PDXDC1: variants seen among roughly 807,000 people sequenced by gnomAD.
PDXDC1 encodes pyridoxal-dependent decarboxylase domain-containing protein 1.
PDXDC1 carries 42 observed loss-of-function variants against 100.1 expected under a neutral mutation model. The ratio of observed to expected loss-of-function variants is 0.42; its 90% CI spans 0.33 to 0.54. The LOEUF is 0.54. Among genes scored for constraint, PDXDC1 ranks in the 20% least tolerant of loss-of-function variants. The probability of loss-of-function intolerance (pLI) is 0.10; values close to 1 mark genes in which losing one functional copy is unlikely to be tolerated. For synonymous variants in PDXDC1, 260 were observed against 371.7 expected (o/e 0.70, Z 3.46); for missense variants, 636 against 979.2 (o/e 0.65, Z 4.68).
intron 8 of PDXDC1, among the ~76,000 whole-genome samples, chr16:15,010,013 C>T (rs2041124325): frequency 6.6e-6 from 1 of 152,270 alleles, no homozygotes; most frequent in African/African-American, 2.4e-5. Flanking sequence ...TCTATCTTCT[C>T]CTTCATGTAC....
the PDXDC1 span, among the ~76,000 whole-genome samples, chr16:15,145,426 G>A: frequency 2.0e-5 from 3 of 152,242 alleles, no homozygotes; most frequent in Non-Finnish European, 2.9e-5. Context: ...TTGCCCCAGC[G>A]CTGGCCTCAT....
At position 15,123,100 on chromosome 16, in the gene PDXDC1, CCTT is replaced by C. The variant is rs1195180253; in HGVS notation, c.1400-15774_1400-15772del. 1.1e-3 allele frequency among the ~76,000 whole-genome samples: 166 copies of C among 150,484 alleles called. 1 individual carries two copies. Among genetic ancestry groups the C allele is most frequent in the African/African-American group, 4.0e-3 (164 of 40,978 alleles). On this transcript the variant is annotated intron_variant, in intron 16 of 16. Coordinates refer to the PDXDC1 transcript ENST00000535621. ...GACAAAGGTTCTGCTTTCCACCAAA[CCTT>C]CTTCGGTCTGGGCCCTCCCTTAGCA...
intron 16 of PDXDC1, among the ~76,000 whole-genome samples, chr16:15,093,502 T>C (rs1228124408): frequency 1.3e-5 from 2 of 152,202 alleles, no homozygotes; most frequent in Non-Finnish European, 2.9e-5. Context: ...GGGACATTAG[T>C]GTCTTTGGAT....
At position 15,047,967 on chromosome 16, in the gene PDXDC1, T is replaced by C. The variant is rs770420516; in HGVS notation, c.1399+17911T>C. 3 of 1,601,326 alleles carry C rather than the reference T, an allele frequency of 1.9e-6. No individual in the cohort carries two copies. The Admixed American group carries it at 5.0e-5, about 27-fold the overall frequency. ...TAAAATATCCAATAGCCTTTTGGGA[T>C]AACGCCCAATTCACTGCTTCCTAAC... On this transcript the variant is annotated intron_variant, in intron 16 of 16. Transcript: ENST00000535621.
chr16:15,067,853 G>A (rs2045043083), intron 16 of PDXDC1, among the ~76,000 whole-genome samples: 1 of 151,978 alleles, frequency 6.6e-6, no homozygotes, highest in Admixed American at 6.6e-5. Flanking sequence ...GACTTCCTGG[G>A]CTCAAGTGAT....
chr16:14,984,454 A>T (rs67289199), intron 1 of PDXDC1, among the ~76,000 whole-genome samples: 88,980 of 109,396 alleles, frequency 0.81, 34,961 homozygotes, highest in East Asian at 0.88. Context: ...AGAGAGAGAG[A>T]GTGTGTGTGT....
chr16:15,133,826 G>A (rs543234885), intron 16 of PDXDC1: 427 of 1,583,902 alleles, frequency 2.7e-4, no homozygotes, highest in East Asian at 7.8e-4. Flanking sequence ...TGGTGGTGAG[G>A]GCGTGCACAG....
At position 15,024,472 on chromosome 16, in the gene PDXDC1, T is replaced by C. The variant is rs375741833; in HGVS notation, c.1140+1718T>C. 2.7e-5 allele frequency among the ~76,000 whole-genome samples: 4 copies of C among 150,550 alleles called. No individual in the cohort carries two copies. In the East Asian group the frequency reaches 8.0e-4, roughly 30 times the overall value. On this transcript the variant is annotated intron_variant, in intron 13 of 22. Coordinates refer to ENST00000396410, the MANE Select transcript of PDXDC1 (RefSeq NM_015027.4). ...CCCAGACTGGAGTGCAGTGGTGCGA[T>C]CTTGGCTCACTCTAACCTCCGCCTC... is the stretch of plus-strand genomic sequence containing the variant.
intron 16 of PDXDC1, among the ~76,000 whole-genome samples, chr16:15,124,662 C>T (rs1274620286): frequency 1.3e-5 from 2 of 151,464 alleles, no homozygotes; most frequent in Non-Finnish European, 3.0e-5. Flanking sequence ...GTCCCACCTA[C>T]TTGGGAGGCT....
Position 15,016,205 on chromosome 16 carries a change from T to G in PDXDC1, c.804T>G (p.His268Gln). The G allele has an allele frequency of 6.2e-7, 1 of 1,612,758 alleles. No homozygotes were observed. The highest frequency in any genetic ancestry group is 2.2e-5 in the East Asian group (1 of 44,870). The change falls in exon 9 of 23, where the codon CAT becomes CAG. Residue 268 changes from histidine to glutamine, a missense_variant. By Grantham distance (24) the His-to-Gln change is conservative. Coordinates refer to ENST00000396410, the MANE Select transcript of PDXDC1 (RefSeq NM_015027.4). The part of the protein sequence containing the change: ...ELCEQYGIWL[H>Q]VEGVNLATLA... ...GTGAGCAGTATGGCATATGGCTTCA[T>G]GTGGAGGGGTAAGCCGGCGGTGAGG... is the stretch of plus-strand genomic sequence containing the variant.
chr16:15,137,572 TGCTCCTCCTG>T (rs1453318282), intron 16 of PDXDC1: 1 of 1,245,474 alleles, frequency 8.0e-7, no homozygotes, highest in Non-Finnish European at 1.1e-6. Flanking sequence ...CCCCGGGTTC[TGCTCCTCCTG>T]GCTCCACCCC....
At chr16:14,984,493 A>ATTTT (rs1335973484) in intron 1 of PDXDC1, among the ~76,000 whole-genome samples, 20 of 83,866 alleles carry the variant, frequency 2.4e-4, no homozygotes, top group African/African-American at 7.1e-4. Context: ...ATATATATAT[A>ATTTT]TATTTTTTTT....
intron 1 of PDXDC1, among the ~76,000 whole-genome samples, chr16:14,983,037 T>G (rs1305436311): frequency 6.6e-6 from 1 of 152,268 alleles, no homozygotes; most frequent in Non-Finnish European, 1.5e-5. Context: ...GCATATGGTA[T>G]AAACTAGCAT....
chr16:15,050,586 G>A (rs1381150247), intron 16 of PDXDC1, among the ~76,000 whole-genome samples: 1 of 152,098 alleles, frequency 6.6e-6, no homozygotes, highest in African/African-American at 2.4e-5. Context: ...ACAAAAATTA[G>A]CTGGGTGTGG....
chr16:15,146,769 G>T, the PDXDC1 span, among the ~76,000 whole-genome samples: 2 of 152,044 alleles, frequency 1.3e-5, no homozygotes, highest in Non-Finnish European at 2.9e-5. Flanking sequence ...GAGGACAGGG[G>T]AATGGGCCCC....
chr16:15,132,496 G>A (rs1296636759), intron 16 of PDXDC1, among the ~76,000 whole-genome samples: 1 of 150,004 alleles, frequency 6.7e-6, no homozygotes, highest in Non-Finnish European at 1.5e-5. Flanking sequence ...CCACATCTGG[G>A]CCCCTCTTTA....
chr16:15,147,592 T>A, the PDXDC1 span, among the ~76,000 whole-genome samples: 2 of 152,158 alleles, frequency 1.3e-5, no homozygotes, highest in Non-Finnish European at 2.9e-5. Context: ...AATGGTGCAA[T>A]CTTGCCTCAC....
In PDXDC1 at chr16:15,137,418, C is replaced by T. The variant is rs534725401; in HGVS notation, c.1400-1461C>T. The T allele has an allele frequency of 1.7e-4, 242 of 1,450,516 alleles. 3 individuals are homozygous for T. In the South Asian group the frequency reaches 2.8e-3, roughly 17 times the overall value. The allele number at this position is 1,450,516 out of a possible 1,614,324, so 89.9% of individuals were successfully genotyped here. On this transcript the variant is annotated intron_variant, in intron 16 of 16. Transcript: ENST00000535621. The stretch of plus-strand genomic sequence containing the variant: ...TCCGAGAGGGCTGCGAGGCCCTGGC[C>T]GGTGGAGAAGCAGAAGGCGCTGCAG...
intron 1 of PDXDC1, among the ~76,000 whole-genome samples, chr16:14,984,495 A>ATATATATATATATATATATAT (rs1555542734): frequency 2.7e-5 from 2 of 73,480 alleles, no homozygotes; most frequent in Non-Finnish European, 4.8e-5. Context: ...ATATATATAT[A>ATATATATATATATATATATAT]TTTTTTTTTT....
Sources: gnomAD v4.1 joint callset for allele counts (sites outside exome capture counted in the v4.1 genomes callset) on GRCh38, gnomAD v4.1.1 for gene constraint, MANE v1.5 for transcripts, NCBI Gene and HGNC (gene_info 2026-07-23, HGNC 2026-07-21) for gene names.